ADK: variants seen among roughly 807,000 people sequenced by gnomAD.
ADK encodes N6,N6-dimethyladenosine kinase.
Under a neutral mutation model 44.7 loss-of-function variants are expected in ADK, and 24 were observed. That is an observed-to-expected ratio of 0.54 (90% CI 0.39 to 0.76). The LOEUF (loss-of-function observed/expected upper bound fraction) is 0.76, where lower values mean the gene tolerates loss of function less well. Among genes scored for constraint, ADK ranks in the 30% least tolerant of loss-of-function variants. ADK has a pLI of 0.00. For missense variants in ADK, 321 were observed against 425.1 expected, an observed-to-expected ratio of 0.76 and a Z score of 2.15; for synonymous variants, 128 against 142.6, an observed-to-expected ratio of 0.90 and a Z score of 0.73.
chr10:74,210,529 G>T (rs1843776424), intron 2 of ADK, among the ~76,000 whole-genome samples: 1 of 151,814 alleles, frequency 6.6e-6, no homozygotes, highest in African/African-American at 2.4e-5. Context: ...GGTGGTGCTT[G>T]CCTGTAGTGC....
At chr10:74,441,876 T>A (rs1393981814) in intron 6 of ADK, among the ~76,000 whole-genome samples, 1 of 151,978 alleles carries the variant, frequency 6.6e-6, no homozygotes, top group African/African-American at 2.4e-5. Flanking sequence ...AAAACCCGAT[T>A]AAAAAATGAG....
At chr10:74,320,747 C>T (rs757007298) in intron 4 of ADK, among the ~76,000 whole-genome samples, 32 of 151,862 alleles carry the variant, frequency 2.1e-4, no homozygotes, top group African/African-American at 2.2e-4. Flanking sequence ...CTTTTTTTAC[C>T]GGAGATTTTT....
At chr10:74,301,337 T>G (rs1431454893) in intron 3 of ADK, among the ~76,000 whole-genome samples, 1 of 151,628 alleles carries the variant, frequency 6.6e-6, no homozygotes, top group Non-Finnish European at 1.5e-5. Flanking sequence ...ATATGGTTAA[T>G]CCCCATCTCT....
At chr10:74,548,800 T>C (rs922841575) in intron 7 of ADK, among the ~76,000 whole-genome samples, 1 of 152,206 alleles carries the variant, frequency 6.6e-6, no homozygotes, top group Non-Finnish European at 1.5e-5. Context: ...TCAATAAATA[T>C]TTGTTGAACG....
chr10:74,172,689 C>G (rs1235254271), intron 1 of ADK, among the ~76,000 whole-genome samples: 1 of 66,292 alleles, frequency 1.5e-5, no homozygotes, highest in Admixed American at 1.8e-4. Context: ...AACTCCATCT[C>G]AAAAAAAAAA....
At position 74,525,357 on chromosome 10, in the gene ADK, T is replaced by C; in HGVS notation, c.657T>C (p.Ile219=). ...CTTTGAATCTATCTGCACCGTTTAT[T>C]AGCCAGTTCTACAAGGAATCATTGA... is the stretch of plus-strand genomic sequence containing the variant. The part of the protein sequence containing the change: ...IFTLNLSAPF[I]SQFYKESLMK... Residue 219 remains isoleucine, a synonymous_variant, in exon 7 of 11, where the codon ATT becomes ATC. Transcript: ENST00000539909. 6 of 1,613,734 alleles carry C rather than the reference T, an allele frequency of 3.7e-6. No individual in the cohort carries two copies. The highest frequency in any genetic ancestry group is 5.1e-6 in the Non-Finnish European group (6 of 1,179,818).
chr10:74,700,902 A>G (rs972645615), intron 10 of ADK, among the ~76,000 whole-genome samples: 9 of 152,236 alleles, frequency 5.9e-5, no homozygotes, highest in Non-Finnish European at 1.3e-4. Context: ...GCAAACTGAA[A>G]AACATGAACC....
chr10:74,565,113 T>C lies in ADK; in HGVS notation c.727-24169T>C, dbSNP rs190802216. On this transcript the variant is annotated intron_variant, in intron 7 of 10. Coordinates refer to ENST00000539909, the MANE Select transcript of ADK (RefSeq NM_006721.4). ...TAGTAACATGGAGAAAAAAGGGATATAGTTTCTGGGACTGTAAATTATTCA... is the reference window on the plus strand; with the variant it reads ...TAGTAACATGGAGAAAAAAGGGATACAGTTTCTGGGACTGTAAATTATTCA... Among the ~76,000 whole-genome samples the C allele has an allele frequency of 1.2e-4, 18 of 152,332 alleles. No individual in the cohort carries two copies. In the East Asian group the frequency reaches 2.7e-3, roughly 23 times the overall value.
At chr10:74,312,586 A>G (rs1564647761) in intron 3 of ADK, among the ~76,000 whole-genome samples, 2 of 151,978 alleles carry the variant, frequency 1.3e-5, no homozygotes, top group Non-Finnish European at 2.9e-5. Flanking sequence ...TATTAACTCC[A>G]TAGAGATGCA....
chr10:74,211,470 C>T lies in ADK; in HGVS notation c.140+10632C>T, dbSNP rs564159372. ...TGGTTAGGCTGATTTTTTTAAAAAA[C>T]GTATACATCTTATGGTAGTGATCAT... On this transcript the variant is annotated intron_variant, in intron 2 of 10. Transcript: ENST00000539909. 3.9e-4 allele frequency among the ~76,000 whole-genome samples: 60 copies of T among 151,936 alleles called. 2 individuals carry two copies. Among genetic ancestry groups the T allele is most frequent in the African/African-American group, 1.4e-3 (57 of 41,430 alleles).
At chr10:74,342,817 T>G (rs932430884) in intron 4 of ADK, among the ~76,000 whole-genome samples, 2 of 98,366 alleles carry the variant, frequency 2.0e-5, no homozygotes, top group African/African-American at 5.7e-5. Flanking sequence ...GTGTGTGTGT[T>G]TTAATATTGA....
At chr10:74,567,011 G>T (rs1850694665) in intron 7 of ADK, among the ~76,000 whole-genome samples, 1 of 152,142 alleles carries the variant, frequency 6.6e-6, no homozygotes, top group Non-Finnish European at 1.5e-5. Context: ...AAAGACTTTA[G>T]AAAGTGTTAT....
At chr10:74,629,550 A>C (rs1294733150) in intron 9 of ADK, among the ~76,000 whole-genome samples, 1 of 152,232 alleles carries the variant, frequency 6.6e-6, no homozygotes, top group Non-Finnish European at 1.5e-5. Flanking sequence ...AACCACTGCT[A>C]TGTATACCAT....
At chr10:74,190,026 G>C (rs962163451) in intron 1 of ADK, among the ~76,000 whole-genome samples, 3 of 151,888 alleles carry the variant, frequency 2.0e-5, no homozygotes, top group Non-Finnish European at 4.4e-5. Context: ...TTCACTTTTG[G>C]GCTGCTATGA....
At chr10:74,356,786 T>C (rs921675630) in intron 4 of ADK, among the ~76,000 whole-genome samples, 3 of 152,238 alleles carry the variant, frequency 2.0e-5, no homozygotes, top group African/African-American at 7.2e-5. Flanking sequence ...GGGAGACAGG[T>C]CATGGATTTC....
At chr10:74,361,636 A>T (rs1842339177) in intron 4 of ADK, among the ~76,000 whole-genome samples, 1 of 152,244 alleles carries the variant, frequency 6.6e-6, no homozygotes, top group African/African-American at 2.4e-5. Context: ...TAGTCGTCTT[A>T]CTACAGATAT....
At chr10:74,468,475 A>G (rs1846437635) in intron 6 of ADK, among the ~76,000 whole-genome samples, 1 of 152,178 alleles carries the variant, frequency 6.6e-6, no homozygotes, top group African/African-American at 2.4e-5. Context: ...GAATCAGTAA[A>G]ATTTATTATA....
chr10:74,628,988 A>G (rs988785584), intron 9 of ADK, among the ~76,000 whole-genome samples: 2 of 152,164 alleles, frequency 1.3e-5, no homozygotes, highest in African/African-American at 4.8e-5. Context: ...TGCAGTCACA[A>G]TTAGATCATC....
chr10:74,690,520 C>G (rs1013868699), intron 10 of ADK, among the ~76,000 whole-genome samples: 1 of 152,194 alleles, frequency 6.6e-6, no homozygotes, highest in Non-Finnish European at 1.5e-5. Context: ...TCACATCATA[C>G]AAGATCCTTG....
Sources: allele counts gnomAD v4.1 joint callset (sites outside exome capture counted in the v4.1 genomes callset), GRCh38; gene constraint gnomAD v4.1.1; transcripts MANE v1.5; gene names NCBI Gene and HGNC (gene_info 2026-07-23, HGNC 2026-07-21).